The following RANBP2 variants were observed in gnomAD, a reference collection of about 807,000 sequenced individuals.
RANBP2 encodes E3 SUMO-protein ligase RanBP2.
A neutral mutation model predicts 303.6 loss-of-function variants in RANBP2; 57 were observed. The observed-to-expected ratio is 0.19, with a 90% CI of 0.15 to 0.23. RANBP2 has a LOEUF of 0.23. Among genes scored for constraint, RANBP2 ranks in the 10% least tolerant of loss-of-function variants. RANBP2 has a pLI of 1.00. For synonymous variants in RANBP2, 1,167 were observed against 1,301.5 expected, an observed-to-expected ratio of 0.90 and a Z score of 2.23; for missense variants, 3,138 against 3,780.8, an observed-to-expected ratio of 0.83 and a Z score of 4.46.
At chr2:109,346,807 A>T in the RANBP2 span, among the ~76,000 whole-genome samples, 1 of 152,184 alleles carries the variant, frequency 6.6e-6, no homozygotes, top group Non-Finnish European at 1.5e-5. Flanking sequence ...TGGGTTGGTT[A>T]ACCTCTGACG....
chr2:109,048,519 T>C, the RANBP2 span, among the ~76,000 whole-genome samples: 1 of 152,158 alleles, frequency 6.6e-6, no homozygotes, highest in South Asian at 2.1e-4. Context: ...TAACAATATC[T>C]CCTGTACTGA....
chr2:109,151,777 C>G, the RANBP2 span, among the ~76,000 whole-genome samples: 1 of 152,228 alleles, frequency 6.6e-6, no homozygotes, highest in Admixed American at 6.5e-5. Context: ...AAAGTTCTGG[C>G]ACCAGTGCAC....
At chr2:109,600,135 C>T in the RANBP2 span, among the ~76,000 whole-genome samples, 1 of 152,058 alleles carries the variant, frequency 6.6e-6, no homozygotes, top group East Asian at 1.9e-4. Context: ...GATGTCAGGG[C>T]TGCCTGGCCC....
At chr2:109,362,632 T>C in the RANBP2 span, among the ~76,000 whole-genome samples, 1 of 152,186 alleles carries the variant, frequency 6.6e-6, no homozygotes, top group Non-Finnish European at 1.5e-5. Context: ...TCCTTACTGA[T>C]TTTCTGCTTG....
At chr2:108,929,272 C>T in the RANBP2 span, 1 of 1,614,208 alleles carries the variant, frequency 6.2e-7, no homozygotes, top group South Asian at 1.1e-5. Context: ...GGAAGAAGCC[C>T]TCACAGTCTT....
the RANBP2 span, among the ~76,000 whole-genome samples, chr2:108,966,524 T>C: frequency 6.6e-6 from 1 of 152,238 alleles, no homozygotes; most frequent in Admixed American, 6.5e-5. Context: ...CCATACCCTG[T>C]GCTCTTTCAA....
At chr2:108,724,929 C>G (rs1694574889) in intron 1 of RANBP2, among the ~76,000 whole-genome samples, 1 of 151,864 alleles carries the variant, frequency 6.6e-6, no homozygotes, top group Non-Finnish European at 1.5e-5. Flanking sequence ...ATTCATTTGA[C>G]TGTGCAAGAT....
At chr2:109,229,919 G>C in the RANBP2 span, among the ~76,000 whole-genome samples, 1 of 151,100 alleles carries the variant, frequency 6.6e-6, no homozygotes, top group Non-Finnish European at 1.5e-5. Context: ...CTGCCTCCTG[G>C]GTTCACGCCA....
chr2:109,480,253 C>T, the RANBP2 span, among the ~76,000 whole-genome samples: 7 of 152,318 alleles, frequency 4.6e-5, no homozygotes, highest in Admixed American at 2.6e-4. Flanking sequence ...GCAGGCAAGG[C>T]GGCATCTCCC....
the RANBP2 span, among the ~76,000 whole-genome samples, chr2:109,548,775 C>CAAAAAAAAAAAAAAAAAAAAA: frequency 1.6e-5 from 1 of 63,542 alleles, no homozygotes; most frequent in Admixed American, 1.5e-4. Context: ...GGCTCCATCT[C>CAAAAAAAAAAAAAAAAAAAAA]AAAAAAAAAA....
chr2:108,994,674 T>G, the RANBP2 span, among the ~76,000 whole-genome samples: 1 of 151,914 alleles, frequency 6.6e-6, no homozygotes, highest in Non-Finnish European at 1.5e-5. Flanking sequence ...TCATAAATCA[T>G]GGCTCCGGGG....
chr2:109,434,036 G>T, the RANBP2 span, among the ~76,000 whole-genome samples: 1 of 152,234 alleles, frequency 6.6e-6, no homozygotes, highest in Non-Finnish European at 1.5e-5. Context: ...CATGCCAGTA[G>T]GAACAGGTTG....
the RANBP2 span, among the ~76,000 whole-genome samples, chr2:109,412,188 G>A: frequency 1.3e-5 from 2 of 152,280 alleles, no homozygotes; most frequent in East Asian, 1.9e-4. Flanking sequence ...CGCACAGTGT[G>A]CACTCTCAGC....
At chr2:109,566,817 T>C in the RANBP2 span, among the ~76,000 whole-genome samples, 1 of 152,166 alleles carries the variant, frequency 6.6e-6, no homozygotes, top group African/African-American at 2.4e-5. Context: ...AGTAGACTGG[T>C]CTGTCTGAAG....
the RANBP2 span, among the ~76,000 whole-genome samples, chr2:109,436,418 T>C: frequency 0.1 from 15,912 of 152,162 alleles, 2,650 homozygotes; most frequent in African/African-American, 0.35. Flanking sequence ...CTCAGAAGGA[T>C]GTCGTGCTGT....
At chr2:109,496,045 G>A in the RANBP2 span, among the ~76,000 whole-genome samples, 1 of 152,168 alleles carries the variant, frequency 6.6e-6, no homozygotes, top group African/African-American at 2.4e-5. Flanking sequence ...ACATGGAAGG[G>A]GACCCACCGG....
chr2:109,449,177 C>T, the RANBP2 span: 3 of 1,613,544 alleles, frequency 1.9e-6, no homozygotes, highest in Non-Finnish European at 2.5e-6. Context: ...CAGCTGCCCA[C>T]TCTGCAGCCC....
the RANBP2 span, among the ~76,000 whole-genome samples, chr2:109,655,624 AC>A: frequency 0.077 from 11,722 of 151,996 alleles, 1,495 homozygotes; most frequent in African/African-American, 0.27. Flanking sequence ...TCCCTGAGAG[AC>A]CCCTGCATCT....
the RANBP2 span, among the ~76,000 whole-genome samples, chr2:109,318,404 C>T: frequency 1.3e-5 from 2 of 152,080 alleles, no homozygotes; most frequent in African/African-American, 2.4e-5. Flanking sequence ...TGCCGCCGAG[C>T]GCCAGAAGAT....
Sources: allele counts gnomAD v4.1 joint callset (sites outside exome capture counted in the v4.1 genomes callset), GRCh38; gene constraint gnomAD v4.1.1; transcripts MANE v1.5; gene names NCBI Gene and HGNC (gene_info 2026-07-23, HGNC 2026-07-21).